The following LUZP4 variants were observed in gnomAD, a reference collection of about 807,000 sequenced individuals.
LUZP4 encodes HOM-TES-85 tumor antigen.
Under a neutral mutation model 8.5 loss-of-function variants are expected in LUZP4, and 11 were observed. That is an observed-to-expected ratio of 1.30 (90% CI 0.82 to 2.14). The LOEUF (loss-of-function observed/expected upper bound fraction) is 2.14. LUZP4 is among the 30% of genes most tolerant of loss of function. The pLI is 0.00. For missense variants in LUZP4, 276 were observed against 229.7 expected, an observed-to-expected ratio of 1.20 and a Z score of -1.30; for synonymous variants, 104 against 79.4, an observed-to-expected ratio of 1.31 and a Z score of -1.65.
At position 115,306,990 on chromosome X, in the gene LUZP4, C is replaced by A; in HGVS notation, c.*186C>A. The A allele has an allele frequency of 2.1e-6, 1 of 468,612 alleles. No individual in the cohort carries two copies. The highest frequency in any genetic ancestry group is 2.4e-5 in the African/African-American group (1 of 41,552). 38.6% of individuals were successfully genotyped at this position (468,612 alleles called of 1,213,427 possible). Reference sequence around the variant, plus strand: ...TCCTCTAAGCTATCATCCAGTTACCCAGGATGTCCCATTAAGTTGTTCCCG... The same window carrying A: ...TCCTCTAAGCTATCATCCAGTTACCAAGGATGTCCCATTAAGTTGTTCCCG... On this transcript the variant is annotated 3_prime_UTR_variant, in exon 4 of 4. Coordinates refer to ENST00000371920, the MANE Select transcript of LUZP4 (RefSeq NM_016383.5).
At chrX:115,293,950 C>CAA (rs67966831) in intron 1 of LUZP4, among the ~76,000 whole-genome samples, 2 of 90,122 alleles carry the variant, frequency 2.2e-5, no homozygotes, top group Admixed American at 2.3e-4. Context: ...GACTCCGTCT[C>CAA]AAAAAAAAAA....
In LUZP4 at chrX:115,306,429, A is replaced by T; in HGVS notation, c.567A>T (p.Arg189Ser). ...QLKRHHPQYE[R>S]SHGQYKRSHG... ...AGAGACATCATCCCCAATATGAGAG[A>T]TCTCATGGCCAATACAAGAGATCTC... Residue 189 changes from arginine (R) to serine (S), a missense_variant, in exon 4 of 4, where the codon AGA becomes AGT. By Grantham distance (110) the Arg-to-Ser change is moderately radical (BLOSUM62 -1). Coordinates refer to ENST00000371920, the MANE Select transcript of LUZP4 (RefSeq NM_016383.5). 2 of 1,211,620 alleles carry T rather than the reference A, an allele frequency of 1.7e-6. No individual in the cohort carries two copies. The highest frequency in any genetic ancestry group is 2.2e-5 in the Admixed American group (1 of 46,027).
chrX:115,292,649 G>A (rs2073353644), intron 1 of LUZP4, among the ~76,000 whole-genome samples: 1 of 110,014 alleles, frequency 9.1e-6, no homozygotes, highest in Non-Finnish European at 1.9e-5. Flanking sequence ...GGAATTTCTA[G>A]CAAAATGTTA....
chrX:115,299,879 G>T lies in LUZP4; in HGVS notation c.92-2113G>T, dbSNP rs2073388674. ...TGGGTATTGCTGCTAGTTATTCAGAGCCCAAGAGCTTTTCAGTTAACAGTT... is the reference window on the plus strand; with the variant it reads ...TGGGTATTGCTGCTAGTTATTCAGATCCCAAGAGCTTTTCAGTTAACAGTT... On this transcript the variant is annotated intron_variant, in intron 1 of 3. Transcript: ENST00000371920. 2.7e-5 allele frequency among the ~76,000 whole-genome samples: 3 copies of T among 111,705 alleles called. No individual in the cohort carries two copies. In the South Asian group the frequency reaches 1.1e-3, roughly 42 times the overall value.
chrX:115,292,177 G>A (rs1556597102), intron 1 of LUZP4, among the ~76,000 whole-genome samples: 1 of 112,344 alleles, frequency 8.9e-6, no homozygotes, highest in Admixed American at 9.4e-5. Context: ...TCATGCTTTG[G>A]TGTCAAATCT....
chrX:115,306,969 C>G lies in LUZP4; in HGVS notation c.*165C>G, dbSNP rs1429568400. 1.4e-5 allele frequency: 7 copies of G among 509,562 alleles called. No homozygotes were observed. The highest frequency in any genetic ancestry group is 2.2e-5 in the Non-Finnish European group (7 of 316,560). 42.0% of individuals were successfully genotyped at this position (509,562 alleles called of 1,213,427 possible). A position where few individuals can be genotyped will look rare whatever the true frequency, so the allele number is the denominator to read the frequency against. ...CAATATTGTTTCAACTTGATGTCCT[C>G]TAAGCTATCATCCAGTTACCCAGGA... On this transcript the variant is annotated 3_prime_UTR_variant, in exon 4 of 4. Coordinates refer to ENST00000371920, the MANE Select transcript of LUZP4 (RefSeq NM_016383.5).
chrX:115,299,354 C>A (rs1018474454), intron 1 of LUZP4, among the ~76,000 whole-genome samples: 20 of 111,032 alleles, frequency 1.8e-4, no homozygotes, highest in African/African-American at 5.2e-4. Flanking sequence ...CAAAACCAGC[C>A]AGGCCTGTGT....
intron 1 of LUZP4, among the ~76,000 whole-genome samples, chrX:115,298,391 A>T (rs1479382260): frequency 8.9e-5 from 10 of 112,183 alleles, no homozygotes; most frequent in Non-Finnish European, 1.9e-4. Flanking sequence ...TTCTACCCCT[A>T]TCTCTTTCTC....
At chrX:115,300,969 C>T (rs2073394657) in intron 1 of LUZP4, among the ~76,000 whole-genome samples, 1 of 110,342 alleles carries the variant, frequency 9.1e-6, no homozygotes, top group South Asian at 3.9e-4. Context: ...GCTGGGGGGA[C>T]GATCGGTGGA....
chrX:115,290,868 C>T (rs369985145), intron 1 of LUZP4, among the ~76,000 whole-genome samples: 32 of 111,698 alleles, frequency 2.9e-4, no homozygotes, highest in African/African-American at 4.6e-4. Context: ...GTGCAGCCTC[C>T]GCCCCCTGGG....
intron 1 of LUZP4, among the ~76,000 whole-genome samples, chrX:115,295,687 C>CTTTTTTTTT (rs1388444468): frequency 9.4e-6 from 1 of 105,954 alleles, no homozygotes. Flanking sequence ...TATTAGAGTC[C>CTTTTTTTTT]TTTTTTTTTT....
chrX:115,303,861 A>G (rs1316889216), intron 3 of LUZP4, among the ~76,000 whole-genome samples: 2 of 111,858 alleles, frequency 1.8e-5, no homozygotes, highest in African/African-American at 6.5e-5. Flanking sequence ...GTACAAATCC[A>G]TTTCCTCTAA....
chrX:115,303,740 TTATAA>T (rs1417304206), intron 3 of LUZP4, among the ~76,000 whole-genome samples: 18 of 112,094 alleles, frequency 1.6e-4, no homozygotes, highest in African/African-American at 5.8e-4. Flanking sequence ...TGAGCTTAAG[TTATAA>T]TATAAGAGTT....
At position 115,303,295 on chromosome X, in the gene LUZP4, C is replaced by T; in HGVS notation, c.224-5C>T. On this transcript the variant is annotated splice_polypyrimidine_tract_variant and splice_region_variant and intron_variant, in intron 2 of 3. Coordinates refer to ENST00000371920, the MANE Select transcript of LUZP4 (RefSeq NM_016383.5). ...GAAAATACAGAAAATATTTATTTTT[C>T]AAAGGCTACTCAAGATGCAGAAGCA... 9.8e-7 allele frequency: 1 copy of T among 1,018,109 alleles called. No individual in the cohort carries two copies. The highest frequency in any genetic ancestry group is 1.4e-6 in the Non-Finnish European group (1 of 738,939). 83.9% of individuals were successfully genotyped at this position (1,018,109 alleles called of 1,213,427 possible).
intron 2 of LUZP4, among the ~76,000 whole-genome samples, chrX:115,302,466 A>G (rs951159818): frequency 1.8e-5 from 2 of 112,358 alleles, no homozygotes; most frequent in Admixed American, 1.9e-4. Context: ...AGCATAGTCA[A>G]TAATCTGAAC....
intron 1 of LUZP4, among the ~76,000 whole-genome samples, chrX:115,297,569 A>C (rs2073376073): frequency 9.0e-6 from 1 of 111,663 alleles, no homozygotes; most frequent in African/African-American, 3.3e-5. Flanking sequence ...TCAGCACTTT[A>C]TATCAGCCCA....
chrX:115,291,318 C>T (rs1261974113), intron 1 of LUZP4, among the ~76,000 whole-genome samples: 1 of 109,959 alleles, frequency 9.1e-6, no homozygotes, highest in African/African-American at 3.3e-5. Flanking sequence ...AGGCTGGTCT[C>T]GAACTCCTGG....
At chrX:115,302,999 C>G (rs782116290) in intron 2 of LUZP4, among the ~76,000 whole-genome samples, 14 of 112,090 alleles carry the variant, frequency 1.2e-4, no homozygotes, top group Non-Finnish European at 2.4e-4. Context: ...TCTCCTTTTT[C>G]TACTGGAGTA....
intron 1 of LUZP4, among the ~76,000 whole-genome samples, chrX:115,295,948 A>C (rs2073368882): frequency 8.9e-6 from 1 of 112,110 alleles, no homozygotes; most frequent in Admixed American, 9.5e-5. Context: ...GTCTCTTCTC[A>C]AGTACCTCCT....
Sources: allele counts gnomAD v4.1 joint callset (sites outside exome capture counted in the v4.1 genomes callset), GRCh38; gene constraint gnomAD v4.1.1; transcripts MANE v1.5; gene names NCBI Gene and HGNC (gene_info 2026-07-23, HGNC 2026-07-21).